Variants in MICB observed in about 807,000 individuals in gnomAD.
MICB encodes MHC class I antigen-related protein B.
In MICB, 27 loss-of-function variants were observed where a neutral mutation model predicts 34.3. The ratio of observed to expected loss-of-function variants is 0.79; its 90% CI spans 0.58 to 1.08. MICB has a LOEUF of 1.08. Ranked by LOEUF, MICB falls within the 50% of genes least tolerant of loss-of-function variation. MICB has a pLI of 0.00. For missense variants in MICB, 426 were observed against 483.1 expected (o/e 0.88, Z 1.11); for synonymous variants, 153 against 187.4 (o/e 0.82, Z 1.50).
Position 31,507,162 on chromosome 6 carries a change from C to G in MICB, c.754C>G (p.Gln252Glu). The G allele has an allele frequency of 6.2e-7, 1 of 1,614,148 alleles. No homozygotes were observed. Among genetic ancestry groups the G allele is most frequent in the South Asian group, 1.1e-5 (1 of 91,084 alleles). ...GGTATCTTTGAGCCACAACACCCAG[C>G]AGTGGGGGGATGTCCTGCCTGATGG... ...DGVSLSHNTQ[Q>E]WGDVLPDGNG... Residue 252 changes from glutamine to glutamate, a missense_variant, in exon 4 of 6, where the codon CAG (glutamine) becomes GAG (glutamate). Transcript: ENST00000252229. The surrounding 1 kb of genome is among the most constrained non-coding windows in gnomAD (Gnocchi z 6.0).
At chr6:31,497,998 G>A, upstream of MICB, 1 of 357,806 alleles carries the variant, frequency 2.8e-6, no homozygotes, top group Non-Finnish European at 5.2e-6. Flanking sequence ...CAGGTCTCCA[G>A]GCCGCTAGAA....
chr6:31,498,020 G>T, upstream of MICB: 1 of 384,396 alleles, frequency 2.6e-6, no homozygotes, highest in South Asian at 2.5e-5. Flanking sequence ...TTTCTCTTCT[G>T]AACGTGGCCC....
intron 1 of MICB, among the ~76,000 whole-genome samples, chr6:31,504,352 T>G (rs1461928859): frequency 1.5e-5 from 2 of 133,690 alleles, no homozygotes; most frequent in African/African-American, 5.7e-5. Flanking sequence ...CTCCGCCCGC[T>G]AGCTTCATGC....
At chr6:31,505,139 C>T (rs1232386905) in intron 1 of MICB, among the ~76,000 whole-genome samples, 2 of 151,598 alleles carry the variant, frequency 1.3e-5, no homozygotes, top group African/African-American at 4.8e-5. Context: ...CCTCCCTTGT[C>T]CCCACCATGC....
intron 1 of MICB, among the ~76,000 whole-genome samples, chr6:31,501,129 C>G (rs185988570): frequency 1.5e-3 from 233 of 152,248 alleles, no homozygotes; most frequent in African/African-American, 5.2e-3. Context: ...GCCAGTTTAT[C>G]TGGGGTGGGA....
intron 3 of MICB, among the ~76,000 whole-genome samples, chr6:31,506,673 G>A (rs1562365600): frequency 6.6e-6 from 1 of 152,164 alleles, no homozygotes; most frequent in Non-Finnish European, 1.5e-5. Flanking sequence ...TGAGCCTGGT[G>A]TGGGAGTTAG....
intron 1 of MICB, 76 bp from the exon 2 acceptor site, chr6:31,505,541 A>T: frequency 2.5e-6 from 4 of 1,582,238 alleles, no homozygotes; most frequent in Non-Finnish European, 3.4e-6. Context: ...AGGTCGGGAC[A>T]GCAGACCTGT....
chr6:31,506,460 T>TA, intron 3 of MICB, 30 bp downstream of exon 3: 1 of 1,601,274 alleles, frequency 6.2e-7, no homozygotes, highest in Non-Finnish European at 8.5e-7. Context: ...GCTCTACTGT[T>TA]CCCGCAATTC....
At chr6:31,499,898 T>C (rs903463944) in intron 1 of MICB, among the ~76,000 whole-genome samples, 1 of 151,958 alleles carries the variant, frequency 6.6e-6, no homozygotes. Context: ...TGCTGGAGCA[T>C]ATGACAGTGC....
At chr6:31,497,863 G>A (rs1338726439), upstream of MICB, among the ~76,000 whole-genome samples, 1 of 152,128 alleles carries the variant, frequency 6.6e-6, no homozygotes, top group African/African-American at 2.4e-5. Flanking sequence ...AGGGCGACAG[G>A]GTCCAGGTCG....
intron 1 of MICB, among the ~76,000 whole-genome samples, chr6:31,501,624 G>T (rs9267394): frequency 0.34 from 51,440 of 152,016 alleles, 8,843 homozygotes; most frequent in East Asian, 0.46. Context: ...GTGAGAGATA[G>T]GGTCCAGTTT....
At chr6:31,498,859 T>C (rs543282486) in intron 1 of MICB, among the ~76,000 whole-genome samples, 11 of 152,224 alleles carry the variant, frequency 7.2e-5, no homozygotes, top group South Asian at 6.2e-4. Context: ...CTCCGTCTCC[T>C]CTCACTTTTC....
chr6:31,495,102 G>C (rs1764585670), upstream of MICB: 2 of 152,130 alleles, frequency 1.3e-5, no homozygotes, highest in Non-Finnish European at 2.9e-5. Context: ...CTTGGTGGGG[G>C]AGGGGACCCA....
Position 31,506,394 on chromosome 6 carries a change from C to G in MICB, c.577C>G (p.Arg193Gly), listed in dbSNP as rs3087326. 3 of 1,614,064 alleles carry G rather than the reference C, an allele frequency of 1.9e-6. No individual in the cohort carries two copies. Among genetic ancestry groups the G allele is most frequent in the Non-Finnish European group, 2.5e-6 (3 of 1,179,970 alleles). ...MQADCLQKLQ[R>G]YLKSGVAIRR... is the part of the protein sequence containing the mutation. ...GGCAGACTGCCTGCAGAAACTACAG[C>G]GATATCTGAAATCCGGGGTGGCCAT... The change falls in exon 3 of 6, where the codon CGA (arginine) becomes GGA (glycine). Residue 193 changes from arginine to glycine, a missense_variant. Physicochemically the swap from Arg to Gly is moderately radical, Grantham distance 125 (BLOSUM62 -2). Transcript: ENST00000252229.
chr6:31,501,423 A>G (rs1335707267), intron 1 of MICB, among the ~76,000 whole-genome samples: 1 of 152,168 alleles, frequency 6.6e-6, no homozygotes, highest in Non-Finnish European at 1.5e-5. Context: ...GCTGTGCAGA[A>G]GCTTTTTAAC....
chr6:31,495,946 C>A (rs1326871841), upstream of MICB, among the ~76,000 whole-genome samples: 2 of 151,988 alleles, frequency 1.3e-5, no homozygotes, highest in African/African-American at 4.8e-5. Context: ...CAGTCGGTAC[C>A]ATCAGGAAGG....
At chr6:31,508,034 T>C (rs28729827) in intron 5 of MICB, among the ~76,000 whole-genome samples, 117,650 of 152,166 alleles carry the variant, frequency 0.77, 45,727 homozygotes, top group East Asian at 0.88. Flanking sequence ...AGGTTCCCAC[T>C]ACCTGGCCTC....
At chr6:31,505,982 A>C in intron 2 of MICB, 111 bp downstream of exon 2, 2 of 1,486,614 alleles carry the variant, frequency 1.3e-6, no homozygotes, top group Non-Finnish European at 9.0e-7. Flanking sequence ...GGGGATGAGG[A>C]ATAGGGTCAG....
At chr6:31,496,383 T>TC (rs1764661556), upstream of MICB, among the ~76,000 whole-genome samples, 4 of 102,454 alleles carry the variant, frequency 3.9e-5, no homozygotes, top group Admixed American at 9.8e-5. Context: ...TTTTTTTTTT[T>TC]TGAGGCGGAG....
Sources: gnomAD v4.1 joint callset for allele counts (sites outside exome capture counted in the v4.1 genomes callset) on GRCh38, gnomAD v4.1.1 for gene constraint, Gnocchi (gnomAD v3.1) non-coding constraint, MANE v1.5 for transcripts, NCBI Gene and HGNC (gene_info 2026-07-23, HGNC 2026-07-21) for gene names.